SPG11: variants seen among roughly 807,000 people sequenced by gnomAD.
The protein encoded by SPG11 is SPG11 vesicle trafficking associated, spatacsin, also known as spatacsin.
SPG11 carries 222 observed loss-of-function variants against 274.0 expected under a neutral mutation model. The ratio of observed to expected loss-of-function variants is 0.81; its 90% CI spans 0.73 to 0.91. The LOEUF (loss-of-function observed/expected upper bound fraction) is 0.91, where lower values mean the gene tolerates loss of function less well. SPG11 is among the 40% of genes least tolerant of loss of function. The probability of loss-of-function intolerance (pLI) is 0.00; values close to 1 mark genes in which losing one functional copy is unlikely to be tolerated. For missense variants in SPG11, 3,114 were observed against 2,872.7 expected (o/e 1.08, Z -1.92); for synonymous variants, 1,144 against 1,039.7 (o/e 1.10, Z -1.93).
At chr15:44,616,427 G>C (rs2141016805) in intron 15 of SPG11, among the ~76,000 whole-genome samples, 1 of 152,118 alleles carries the variant, frequency 6.6e-6, no homozygotes, top group South Asian at 2.1e-4. Flanking sequence ...TGAACTCCTG[G>C]ACTCAAGCAA....
At position 44,596,313 on chromosome 15, in the gene SPG11, G is replaced by T. The variant is rs756973532; in HGVS notation, c.4204C>A (p.His1402Asn). Residue 1402 changes from histidine to asparagine, a missense_variant, in exon 25 of 40, where the codon CAC becomes AAC. Coordinates refer to ENST00000261866, the MANE Select transcript of SPG11 (RefSeq NM_025137.4). ...AAGTTCTCAAAAGCCAGCCTTAAGT[G>T]GTCTTGAATGACTGGGCTGAAGTAC... ...IQYFSPVIQD[H>N]LRLAFENLPS... 6.2e-6 allele frequency: 10 copies of T among 1,614,136 alleles called. No homozygotes were observed. The East Asian group carries it at 2.2e-4, about 36-fold the overall frequency.
intron 7 of SPG11, among the ~76,000 whole-genome samples, chr15:44,642,925 A>C (rs571567303): frequency 1.3e-5 from 2 of 152,272 alleles, no homozygotes; most frequent in South Asian, 4.1e-4. Context: ...AGGCCAGGCA[A>C]GGTAAGGGAA....
At chr15:44,636,925 CAAAAAAAAAAAAAA>C (rs370928375) in intron 7 of SPG11, among the ~76,000 whole-genome samples, 43 of 19,456 alleles carry the variant, frequency 2.2e-3, no homozygotes, top group African/African-American at 0.013. Flanking sequence ...GACTCCATCT[CAAAAAAAAAAAAAA>C]AAAAAAAAAA....
intron 35 of SPG11, among the ~76,000 whole-genome samples, chr15:44,568,126 A>G (rs2082346760): frequency 6.6e-6 from 1 of 152,212 alleles, no homozygotes; most frequent in South Asian, 2.1e-4. Flanking sequence ...TTTCAGGTAC[A>G]TGTGCAAAGA....
rs1308685000 is a variant in SPG11, at chr15:44,589,382, G to A, written c.4776C>T (p.Val1592=). The change falls in exon 28 of 40, where the codon GTC becomes GTT. Residue 1592 remains valine, a synonymous_variant. Coordinates refer to ENST00000261866, the MANE Select transcript of SPG11 (RefSeq NM_025137.4). Reference sequence around the variant, plus strand: ...GATCCTCCAGCCACATGGCAGGGATGACAGGGTGGACCTTTGTGGCTGCTG... The same window carrying A: ...GATCCTCCAGCCACATGGCAGGGATAACAGGGTGGACCTTTGTGGCTGCTG... ...LNTAATKVHP[V]IPAMWLEDQV... The A allele has an allele frequency of 2.5e-6, 4 of 1,614,120 alleles. No individual in the cohort carries two copies. Among genetic ancestry groups the A allele is most frequent in the Admixed American group, 1.7e-5 (1 of 60,022 alleles).
intron 17 of SPG11, among the ~76,000 whole-genome samples, chr15:44,611,720 C>T (rs2083463183): frequency 6.6e-6 from 1 of 151,740 alleles, no homozygotes; most frequent in Non-Finnish European, 1.5e-5. Flanking sequence ...GGAAAATGCC[C>T]TCATTGTCGG....
At chr15:44,620,913 G>C (rs1408555558) in intron 14 of SPG11, 1 of 157,444 alleles carries the variant, frequency 6.4e-6, no homozygotes, top group African/African-American at 2.4e-5. Flanking sequence ...TGGCCAAGCT[G>C]GTCTTGAACT....
Position 44,596,943 on chromosome 15 carries a change from C to A in SPG11, c.4002G>T (p.Arg1334Ser). The change falls in exon 24 of 40, where the codon AGG (arginine) becomes AGT (serine). Residue 1334 changes from arginine to serine, a missense_variant and splice_region_variant. Coordinates refer to ENST00000261866, the MANE Select transcript of SPG11 (RefSeq NM_025137.4). Reference protein sequence around the residue: ...WNSIQQQEIKRLSSESSSQWA... With the variant: ...WNSIQQQEIKSLSSESSSQWA... ...ATTGGCTGCTAGATTCACTGGATAACCTATAATCAGAATTAGAGGTGGGGG... is the reference window on the plus strand; with the variant it reads ...ATTGGCTGCTAGATTCACTGGATAAACTATAATCAGAATTAGAGGTGGGGG... The A allele has an allele frequency of 6.2e-7, 1 of 1,613,674 alleles. No homozygotes were observed.
Position 44,589,397 on chromosome 15 carries a change from T to C in SPG11, c.4761A>G (p.Thr1587=), listed in dbSNP as rs759688955. ...TGGCAGGGATGACAGGGTGGACCTT[T>C]GTGGCTGCTGTGTTAAGCTATGAAA... ...KSLETLNTAA[T]KVHPVIPAMW... is the part of the protein sequence containing the mutation. Residue 1587 remains threonine, a synonymous_variant, in exon 28 of 40, where the codon ACA becomes ACG. Transcript: ENST00000261866. 3 of 1,614,066 alleles carry C rather than the reference T, an allele frequency of 1.9e-6. No homozygotes were observed. In the South Asian group the frequency reaches 3.3e-5, roughly 18 times the overall value.
At position 44,663,475 on chromosome 15, in the gene SPG11, G is replaced by T. The variant is rs780151569; in HGVS notation, c.173C>A (p.Thr58Lys). ...AAGCACTTGGAGGCTGCCCGCAGCC[G>T]TCAGGCTCCCCAGAGCCTCCGGCTG... Reference protein sequence around the residue: ...RTQPEALGSLTAAGSLQVLSL... With the variant: ...RTQPEALGSLKAAGSLQVLSL... The change falls in exon 1 of 40, where the codon ACG becomes AAG. Residue 58 changes from threonine to lysine, a missense_variant. Physicochemically the swap from Thr to Lys is moderately conservative, Grantham distance 78. Transcript: ENST00000261866. 6.3e-7 allele frequency: 1 copy of T among 1,594,032 alleles called. No individual in the cohort carries two copies. The highest frequency in any genetic ancestry group is 8.5e-7 in the Non-Finnish European group (1 of 1,171,038).
intron 31 of SPG11, among the ~76,000 whole-genome samples, chr15:44,574,664 G>A (rs1031361114): frequency 6.6e-6 from 1 of 152,108 alleles, no homozygotes; most frequent in Admixed American, 6.5e-5. Context: ...GGGGCCCACA[G>A]CCCTAGCTTT....
intron 25 of SPG11, 134 bp downstream of exon 25, chr15:44,595,949 G>A: frequency 8.5e-7 from 1 of 1,177,714 alleles, no homozygotes; most frequent in Non-Finnish European, 1.2e-6. Context: ...ACAAAATGTT[G>A]CAGTGAACTT....
chr15:44,570,937 G>A (rs566302458), intron 33 of SPG11, among the ~76,000 whole-genome samples: 18 of 152,176 alleles, frequency 1.2e-4, no homozygotes, highest in Admixed American at 8.5e-4. Context: ...CAGCACCCTC[G>A]CCTTCTAAAC....
intron 7 of SPG11, among the ~76,000 whole-genome samples, chr15:44,635,562 C>T (rs188498217): frequency 4.0e-4 from 49 of 123,690 alleles, no homozygotes; most frequent in Non-Finnish European, 6.7e-4. Context: ...GCTGTGATTG[C>T]GTCACTGTAC....
chr15:44,583,770 C>A (rs749209625), intron 30 of SPG11, 44 bp downstream of exon 30: 1 of 1,613,546 alleles, frequency 6.2e-7, no homozygotes, highest in East Asian at 2.2e-5. Flanking sequence ...ACAGTGCTAA[C>A]AGTGCCATTT....
intron 7 of SPG11, among the ~76,000 whole-genome samples, chr15:44,642,502 T>G (rs997578972): frequency 1.3e-4 from 19 of 151,478 alleles, no homozygotes; most frequent in African/African-American, 4.6e-4. Flanking sequence ...TAGCTACAAC[T>G]AAATAGCATT....
intron 7 of SPG11, 61 bp downstream of exon 7, chr15:44,648,805 C>T (rs558010598): frequency 9.3e-5 from 144 of 1,551,414 alleles, no homozygotes; most frequent in Non-Finnish European, 1.2e-4. Flanking sequence ...AATCCTAAAT[C>T]GAATAAAAGT....
intron 30 of SPG11, among the ~76,000 whole-genome samples, chr15:44,575,605 G>A (rs890386806): frequency 6.7e-6 from 1 of 149,474 alleles, no homozygotes; most frequent in Non-Finnish European, 1.5e-5. Context: ...ATAGATTCTC[G>A]TGCCTCAGCC....
At chr15:44,624,518 AC>A (rs749536465) in intron 11 of SPG11, among the ~76,000 whole-genome samples, 5 of 152,164 alleles carry the variant, frequency 3.3e-5, no homozygotes, top group Non-Finnish European at 5.9e-5. Context: ...ATTACCAAGG[AC>A]TGTGGGGTAG....
Sources: allele counts gnomAD v4.1 joint callset (sites outside exome capture counted in the v4.1 genomes callset), GRCh38; gene constraint gnomAD v4.1.1; transcripts MANE v1.5; gene names NCBI Gene and HGNC (gene_info 2026-07-23, HGNC 2026-07-21).